The following TFCP2L1 variants were observed in gnomAD, a reference collection of about 807,000 sequenced individuals.
The protein encoded by TFCP2L1 is transcription factor CP2-like protein 1.
In TFCP2L1, 12 loss-of-function variants were observed where a neutral mutation model predicts 72.2. The observed-to-expected ratio is 0.17, with a 90% confidence interval of 0.11 to 0.27. The LOEUF is 0.27. TFCP2L1 is among the 10% of genes least tolerant of loss of function. The pLI, the probability that TFCP2L1 is intolerant of heterozygous loss-of-function variation, is 1.00. For missense variants in TFCP2L1, 488 were observed against 624.6 expected, an observed-to-expected ratio of 0.78 and a Z score of 2.33; for synonymous variants, 260 against 251.0, an observed-to-expected ratio of 1.04 and a Z score of -0.34.
chr2:121,254,702 C>T (rs1686681034), intron 2 of TFCP2L1, among the ~76,000 whole-genome samples: 1 of 151,916 alleles, frequency 6.6e-6, no homozygotes, highest in Non-Finnish European at 1.5e-5. Flanking sequence ...ACTCAGGAGG[C>T]TGGGGCAAGA....
chr2:121,264,455 C>T (rs1043214259), intron 2 of TFCP2L1, among the ~76,000 whole-genome samples: 6 of 152,210 alleles, frequency 3.9e-5, no homozygotes, highest in African/African-American at 1.2e-4. Flanking sequence ...TCTTGGGCCA[C>T]GGGCCACCTT....
intron 11 of TFCP2L1, among the ~76,000 whole-genome samples, chr2:121,234,435 C>T (rs1013233458): frequency 6.6e-6 from 1 of 152,220 alleles, no homozygotes; most frequent in African/African-American, 2.4e-5. Flanking sequence ...ACAATTAGAG[C>T]AAACACTGTC....
At position 121,249,625 on chromosome 2, in the gene TFCP2L1, T is replaced by C. The variant is rs1686564211; in HGVS notation, c.237A>G (p.Leu79=). ...LNQGQSYEIR[L]LENRKLGDFQ... ...AGTCTCCCAGCTTCCGATTCTCCAGTAGTCGGATTTCATAAGACTGACCTG... is the reference window on the plus strand; with the variant it reads ...AGTCTCCCAGCTTCCGATTCTCCAGCAGTCGGATTTCATAAGACTGACCTG... Residue 79 remains leucine, a synonymous_variant, in exon 3 of 15, where the codon CTA becomes CTG. Coordinates refer to ENST00000263707, the MANE Select transcript of TFCP2L1 (RefSeq NM_014553.3). 3 of 1,614,246 alleles carry C rather than the reference T, an allele frequency of 1.9e-6. No individual in the cohort carries two copies. Among genetic ancestry groups the C allele is most frequent in the Non-Finnish European group, 2.5e-6 (3 of 1,180,038 alleles).
chr2:121,238,349 T>C (rs1686293621), intron 8 of TFCP2L1, among the ~76,000 whole-genome samples: 1 of 152,162 alleles, frequency 6.6e-6, no homozygotes, highest in East Asian at 1.9e-4. Flanking sequence ...CACCCGCAGC[T>C]TGACATCCAT....
At chr2:121,239,138 G>GA (rs1686310308) in intron 8 of TFCP2L1, among the ~76,000 whole-genome samples, 1 of 152,128 alleles carries the variant, frequency 6.6e-6, no homozygotes, top group Admixed American at 6.5e-5. Flanking sequence ...TGTAAGGCCT[G>GA]AAACCCAAGG....
intron 13 of TFCP2L1, among the ~76,000 whole-genome samples, chr2:121,227,817 C>T (rs1481222076): frequency 1.3e-5 from 2 of 152,072 alleles, no homozygotes; most frequent in Non-Finnish European, 2.9e-5. Flanking sequence ...TTATGGCCTG[C>T]TCTGGATTAC....
chr2:121,282,481 G>C (rs377699888), intron 1 of TFCP2L1, among the ~76,000 whole-genome samples: 1 of 148,844 alleles, frequency 6.7e-6, no homozygotes. Flanking sequence ...AGGGGTTTGA[G>C]ATCAGCCTGG....
intron 1 of TFCP2L1, among the ~76,000 whole-genome samples, chr2:121,283,292 C>G (rs61085482): frequency 0.078 from 11,806 of 152,098 alleles, 530 homozygotes; most frequent in African/African-American, 0.14. Flanking sequence ...GAAGTTCTGC[C>G]AAGTGAGGAG....
intron 13 of TFCP2L1, among the ~76,000 whole-genome samples, chr2:121,227,858 T>C (rs1055924241): frequency 2.0e-5 from 3 of 152,160 alleles, no homozygotes; most frequent in Non-Finnish European, 4.4e-5. Context: ...CATCCACCTG[T>C]CGCCCCCGCC....
At chr2:121,281,359 C>A (rs1404369762) in intron 1 of TFCP2L1, 88 bp from the exon 2 acceptor site, 1 of 1,452,042 alleles carries the variant, frequency 6.9e-7, no homozygotes, top group African/African-American at 1.4e-5. Flanking sequence ...ACGACGCAGA[C>A]CACCGGGGCC....
chr2:121,269,907 T>TCAAAAAAAAAAAAAAA (rs750107740), intron 2 of TFCP2L1, among the ~76,000 whole-genome samples: 27 of 77,448 alleles, frequency 3.5e-4, no homozygotes, highest in African/African-American at 6.1e-4. Flanking sequence ...AGACTCCATC[T>TCAAAAAAAAAAAAAAA]AAAAAAAAAA....
intron 2 of TFCP2L1, among the ~76,000 whole-genome samples, chr2:121,251,187 CAGAGG>C: frequency 6.6e-6 from 1 of 151,548 alleles, no homozygotes; most frequent in South Asian, 2.1e-4. Flanking sequence ...ACCCGGGAGG[CAGAGG>C]TTGCAGTGGG....
At chr2:121,229,262 G>C (rs1190101917) in intron 13 of TFCP2L1, among the ~76,000 whole-genome samples, 1 of 152,112 alleles carries the variant, frequency 6.6e-6, no homozygotes, top group African/African-American at 2.4e-5. Context: ...GGCACACACA[G>C]AGACAAGAGC....
chr2:121,236,780 G>T (rs1307117920), intron 10 of TFCP2L1, among the ~76,000 whole-genome samples: 3 of 152,044 alleles, frequency 2.0e-5, no homozygotes, highest in Non-Finnish European at 4.4e-5. Flanking sequence ...CCACATGGTG[G>T]CTGACTGCCC....
chr2:121,269,918 A>AAAAAAAAAAAAAAAAAAAAAAAAAAAAT, intron 2 of TFCP2L1, among the ~76,000 whole-genome samples: 1 of 115,182 alleles, frequency 8.7e-6, no homozygotes, highest in African/African-American at 3.7e-5. Context: ...AAAAAAAAAA[A>AAAAAAAAAAAAAAAAAAAAAAAAAAAAT]ATATATATAT....
At chr2:121,281,292 A>G in intron 1 of TFCP2L1, 21 bp from the exon 2 acceptor site, 1 of 1,578,894 alleles carries the variant, frequency 6.3e-7, no homozygotes, top group Non-Finnish European at 8.6e-7. Context: ...CGGGAAGCAG[A>G]GGTCAGGAGC....
At chr2:121,240,442 C>T in intron 7 of TFCP2L1, 1 of 985,426 alleles carries the variant, frequency 1.0e-6, no homozygotes, top group African/African-American at 1.7e-5. Context: ...CGAAGATTTA[C>T]TATCACCCAC....
At chr2:121,277,545 T>C (rs181388506) in intron 2 of TFCP2L1, among the ~76,000 whole-genome samples, 134 of 152,352 alleles carry the variant, frequency 8.8e-4, no homozygotes, top group Non-Finnish European at 1.2e-3. Flanking sequence ...TTCTTAGGTA[T>C]TTATTTTTAA....
In TFCP2L1 at chr2:121,220,788, A is replaced by G. The variant is rs1217159984; in HGVS notation, c.*3553T>C. On this transcript the variant is annotated 3_prime_UTR_variant, in exon 15 of 15. Coordinates refer to ENST00000263707, the MANE Select transcript of TFCP2L1 (RefSeq NM_014553.3). ...TGTGGAAGGGATGAGCTGCTAAATT[A>G]GGCAGCTGAGATATTTTGGTACCAA... is the stretch of plus-strand genomic sequence containing the variant. 2 of 152,224 alleles carry G rather than the reference A, an allele frequency of 1.3e-5. No individual in the cohort carries two copies. Among genetic ancestry groups the G allele is most frequent in the East Asian group, 3.8e-4 (2 of 5,198 alleles). 9.4% of individuals were successfully genotyped at this position (152,224 alleles called of 1,614,324 possible).
Sources: allele counts gnomAD v4.1 joint callset (sites outside exome capture counted in the v4.1 genomes callset), GRCh38; gene constraint gnomAD v4.1.1; transcripts MANE v1.5; gene names NCBI Gene and HGNC (gene_info 2026-07-23, HGNC 2026-07-21).